The following ANKS1A variants were observed in gnomAD, a reference collection of about 807,000 sequenced individuals.
ANKS1A encodes ankyrin repeat and sterile alpha motif domain containing 1A.
ANKS1A carries 55 observed loss-of-function variants against 120.3 expected under a neutral mutation model. That is an observed-to-expected ratio of 0.46 (90% CI 0.37 to 0.57). The LOEUF is 0.57. Among genes scored for constraint, ANKS1A ranks in the 20% least tolerant of loss-of-function variants. The pLI, the probability that ANKS1A is intolerant of heterozygous loss-of-function variation, is 0.00. For synonymous variants in ANKS1A, 590 were observed against 604.7 expected (o/e 0.98, Z 0.36); for missense variants, 1,123 against 1,480.3 (o/e 0.76, Z 3.96).
chr6:35,093,453 A>C (rs1484706631), downstream of ANKS1A, among the ~76,000 whole-genome samples: 1 of 152,206 alleles, frequency 6.6e-6, no homozygotes, highest in African/African-American at 2.4e-5. Context: ...AGGCCTTTCC[A>C]AACGTTATAA....
chr6:35,071,598 G>A (rs186654230), intron 13 of ANKS1A, among the ~76,000 whole-genome samples: 72 of 152,204 alleles, frequency 4.7e-4, no homozygotes, highest in Non-Finnish European at 9.0e-4. Context: ...GGCCTAGAGG[G>A]GGGGTCCATT....
At chr6:34,953,403 G>A (rs1256240377) in intron 1 of ANKS1A, among the ~76,000 whole-genome samples, 2 of 152,156 alleles carry the variant, frequency 1.3e-5, no homozygotes, top group Admixed American at 6.5e-5. Context: ...AGATGGGATG[G>A]GGGTCTGGGA....
intron 11 of ANKS1A, among the ~76,000 whole-genome samples, chr6:35,042,653 C>G (rs1165085066): frequency 6.6e-6 from 1 of 152,182 alleles, no homozygotes; most frequent in Admixed American, 6.5e-5. Flanking sequence ...AGCAGAAACC[C>G]TAGATGCAAT....
In ANKS1A at chr6:35,050,556, T is replaced by A. The variant is rs1013758499; in HGVS notation, c.2011-3543T>A. Among the ~76,000 whole-genome samples, 22 of 152,152 alleles carry A rather than the reference T, an allele frequency of 1.4e-4. No homozygotes were observed. Among genetic ancestry groups the A allele is most frequent in the African/African-American group, 4.8e-4 (20 of 41,422 alleles). ...AGGAGGTTAAACTGCATGAAGTGTA[T>A]AGATCAGAATGATATCTGCTGTGTC... On this transcript the variant is annotated intron_variant, in intron 11 of 23. Coordinates refer to ENST00000360359, the MANE Select transcript of ANKS1A (RefSeq NM_015245.3). This position sits in a 1 kb window ranked among gnomAD's most constrained non-coding sequence, Gnocchi z 4.3.
At chr6:35,038,326 T>C (rs1775284639) in intron 11 of ANKS1A, 7 of 456,638 alleles carry the variant, frequency 1.5e-5, no homozygotes, top group South Asian at 1.1e-4. Context: ...AACTTTGCAT[T>C]CTTACTGAGA....
intron 1 of ANKS1A, among the ~76,000 whole-genome samples, chr6:34,913,720 G>A (rs537581554): frequency 5.3e-5 from 8 of 150,196 alleles, no homozygotes; most frequent in Admixed American, 4.0e-4. Context: ...CATAACCTCC[G>A]CCTCCCTGGT....
At position 35,086,008 on chromosome 6, in the gene ANKS1A, G is replaced by A. The variant is rs140664833; in HGVS notation, c.3303+72G>A. ...GATTCAAGGGCTCAGGGTGGTCAGC[G>A]TGAGGAGGGTCTTCTGGCACTTCCA... is the stretch of plus-strand genomic sequence containing the variant. On this transcript the variant is annotated intron_variant, in intron 22 of 23. Transcript: ENST00000360359. The surrounding 1 kb of genome is among the most constrained non-coding windows in gnomAD (Gnocchi z 5.1). 1.9e-5 allele frequency: 28 copies of A among 1,489,282 alleles called. No homozygotes were observed. Among genetic ancestry groups the A allele is most frequent in the South Asian group, 9.5e-5 (7 of 73,904 alleles). The allele number at this position is 1,489,282 out of a possible 1,614,324, so 92.3% of individuals were successfully genotyped here.
At chr6:34,944,210 G>A (rs569310741) in intron 1 of ANKS1A, among the ~76,000 whole-genome samples, 1 of 152,122 alleles carries the variant, frequency 6.6e-6, no homozygotes, top group South Asian at 2.1e-4. Flanking sequence ...CCTGGGAGGC[G>A]GAGCTTGCAG....
intron 1 of ANKS1A, among the ~76,000 whole-genome samples, chr6:34,928,994 C>T (rs972762226): frequency 6.6e-6 from 1 of 152,156 alleles, no homozygotes; most frequent in Non-Finnish European, 1.5e-5. Context: ...CTCTTTAAGC[C>T]TCAGTTTCTT....
At chr6:34,999,429 T>C (rs1368634045) in intron 10 of ANKS1A, among the ~76,000 whole-genome samples, 2 of 152,236 alleles carry the variant, frequency 1.3e-5, no homozygotes, top group Non-Finnish European at 2.9e-5. Flanking sequence ...AGTGTGTGTG[T>C]GCCCTTTTTA....
In ANKS1A at chr6:35,084,410, G is replaced by T; in HGVS notation, c.3132+152G>T. The stretch of plus-strand genomic sequence containing the variant: ...ATGAATGGAGCCCAGCAGCACTCAG[G>T]CCGGTCCCCTTTCACAGTGATGAGA... On this transcript the variant is annotated intron_variant, in intron 21 of 23. Transcript: ENST00000360359. The surrounding 1 kb of genome is among the most constrained non-coding windows in gnomAD (Gnocchi z 4.8). The T allele has an allele frequency of 8.7e-7, 1 of 1,151,368 alleles. No homozygotes were observed. The highest frequency in any genetic ancestry group is 2.6e-5 in the East Asian group (1 of 38,362). The allele number at this position is 1,151,368 out of a possible 1,614,324, so 71.3% of individuals were successfully genotyped here.
chr6:35,033,150 A>G (rs979068290), intron 11 of ANKS1A, among the ~76,000 whole-genome samples: 4 of 152,262 alleles, frequency 2.6e-5, no homozygotes, highest in African/African-American at 9.6e-5. Flanking sequence ...AAGAACAGAA[A>G]TAGTTTGGAC....
At chr6:35,036,731 T>C (rs1775193456) in intron 11 of ANKS1A, among the ~76,000 whole-genome samples, 1 of 152,234 alleles carries the variant, frequency 6.6e-6, no homozygotes, top group South Asian at 2.1e-4. Flanking sequence ...TAATGCTAAG[T>C]GGAAAGTTTA....
intron 11 of ANKS1A, 23 bp downstream of exon 11, chr6:35,018,082 G>A: frequency 6.2e-7 from 1 of 1,605,892 alleles, no homozygotes; most frequent in Non-Finnish European, 8.5e-7. Context: ...TGACGTCACA[G>A]GGAGCTGGGC....
intron 1 of ANKS1A, among the ~76,000 whole-genome samples, chr6:34,922,257 G>C (rs1368528493): frequency 6.6e-6 from 1 of 152,150 alleles, no homozygotes; most frequent in Non-Finnish European, 1.5e-5. Context: ...CATTGGCACT[G>C]TTATCCCCAT....
chr6:35,093,275 G>T (rs1778361001), downstream of ANKS1A, among the ~76,000 whole-genome samples: 1 of 152,090 alleles, frequency 6.6e-6, no homozygotes. Flanking sequence ...ATGGAGCTGG[G>T]ACAATTGGGC....
intron 1 of ANKS1A, among the ~76,000 whole-genome samples, chr6:34,948,799 T>C (rs1769928154): frequency 1.3e-5 from 2 of 152,192 alleles, no homozygotes; most frequent in Admixed American, 1.3e-4. Flanking sequence ...CTGGACTGAA[T>C]GTTCACGGAT....
chr6:34,985,472 A>G (rs1447266073), intron 8 of ANKS1A, among the ~76,000 whole-genome samples, 194 bp downstream of exon 8: 2 of 152,192 alleles, frequency 1.3e-5, no homozygotes, highest in East Asian at 1.9e-4. Context: ...TACAGATCAC[A>G]CTGAGGTTAG....
chr6:34,912,263 T>A (rs1767941927), intron 1 of ANKS1A, among the ~76,000 whole-genome samples: 1 of 152,254 alleles, frequency 6.6e-6, no homozygotes, highest in Admixed American at 6.5e-5. Context: ...ATTTATTTGT[T>A]GGTTCTCCAG....
Sources: allele counts gnomAD v4.1 joint callset (sites outside exome capture counted in the v4.1 genomes callset), GRCh38; gene constraint gnomAD v4.1.1; non-coding constraint Gnocchi (gnomAD v3.1); transcripts MANE v1.5; gene names NCBI Gene and HGNC (gene_info 2026-07-23, HGNC 2026-07-21).